ARID5B: variants seen among roughly 807,000 people sequenced by gnomAD.
ARID5B encodes AT-rich interactive domain-containing protein 5B.
A neutral mutation model predicts 97.2 loss-of-function variants in ARID5B; 13 were observed. That is an observed-to-expected ratio of 0.13 (90% confidence interval 0.09 to 0.21). The LOEUF is 0.21. Ranked by LOEUF, ARID5B falls within the 10% of genes least tolerant of loss-of-function variation. ARID5B has a pLI of 1.00. For missense variants in ARID5B, 1,210 were observed against 1,465.3 expected (o/e 0.83, Z 2.84); for synonymous variants, 556 against 570.3 (o/e 0.97, Z 0.36).
intron 4 of ARID5B, among the ~76,000 whole-genome samples, chr10:62,034,086 A>G (rs953000564): frequency 2.0e-5 from 3 of 152,218 alleles, no homozygotes; most frequent in African/African-American, 7.2e-5. Context: ...GCATGAGGCT[A>G]TGTTTAATTT....
At chr10:61,992,493 C>T (rs141409395) in intron 3 of ARID5B, among the ~76,000 whole-genome samples, 1 of 152,200 alleles carries the variant, frequency 6.6e-6, no homozygotes, top group Admixed American at 6.5e-5. Context: ...GTCTATGCCT[C>T]TATTTTAAGT....
At chr10:62,049,171 G>A in intron 4 of ARID5B, 5 of 1,254,816 alleles carry the variant, frequency 4.0e-6, no homozygotes, top group East Asian at 3.5e-5. Flanking sequence ...AAAACAGGCC[G>A]GATGAAATCA....
At chr10:62,037,336 C>A (rs1839579037) in intron 4 of ARID5B, among the ~76,000 whole-genome samples, 1 of 152,068 alleles carries the variant, frequency 6.6e-6, no homozygotes, top group African/African-American at 2.4e-5. Context: ...GAGTTAGGGC[C>A]CTCACATGGT....
chr10:61,943,440 G>A (rs1313679956), intron 3 of ARID5B, among the ~76,000 whole-genome samples: 1 of 150,892 alleles, frequency 6.6e-6, no homozygotes, highest in Non-Finnish European at 1.5e-5. Context: ...TCTTACCAAA[G>A]AAAGAAGATG....
At chr10:61,917,537 C>T (rs1349859052) in intron 2 of ARID5B, among the ~76,000 whole-genome samples, 1 of 152,144 alleles carries the variant, frequency 6.6e-6, no homozygotes, top group East Asian at 1.9e-4. Flanking sequence ...CCATGTTGGT[C>T]AGGCTGGTCT....
In ARID5B at chr10:62,017,071, T is replaced by G. The variant is rs146824675; in HGVS notation, c.733+16750T>G. ...CTCAAAACAAAAACAGGACACCACG[T>G]AAGGGGAAGTAGTGATTAATGCATA... On this transcript the variant is annotated intron_variant, in intron 4 of 9. Coordinates refer to ENST00000279873, the MANE Select transcript of ARID5B (RefSeq NM_032199.3). 1.8e-4 allele frequency among the ~76,000 whole-genome samples: 28 copies of G among 152,286 alleles called. No homozygotes were observed. The East Asian group carries it at 3.5e-3, about 19-fold the overall frequency.
intron 4 of ARID5B, among the ~76,000 whole-genome samples, chr10:62,019,740 A>G (rs1190876901): frequency 6.6e-6 from 1 of 152,202 alleles, no homozygotes; most frequent in Non-Finnish European, 1.5e-5. Flanking sequence ...AGGTGTCCCA[A>G]CCATTTAGGA....
intron 7 of ARID5B, among the ~76,000 whole-genome samples, chr10:62,063,373 A>G (rs1366777558): frequency 6.6e-6 from 1 of 152,158 alleles, no homozygotes; most frequent in East Asian, 1.9e-4. Context: ...TCTCTCTGGA[A>G]TCCCTTCTGG....
intron 3 of ARID5B, among the ~76,000 whole-genome samples, chr10:61,971,029 A>T (rs1428125369): frequency 6.6e-6 from 1 of 152,008 alleles, no homozygotes; most frequent in African/African-American, 2.4e-5. Context: ...AATAAAAAAG[A>T]AAGAAAAGGG....
At chr10:62,001,940 C>T (rs1451039962) in intron 4 of ARID5B, among the ~76,000 whole-genome samples, 4 of 152,170 alleles carry the variant, frequency 2.6e-5, no homozygotes, top group African/African-American at 9.7e-5. Context: ...CCTCTCTTTT[C>T]AGATCAGCAT....
intron 3 of ARID5B, among the ~76,000 whole-genome samples, chr10:61,958,335 T>A (rs1838421272): frequency 6.6e-6 from 1 of 152,112 alleles, no homozygotes; most frequent in African/African-American, 2.4e-5. Flanking sequence ...GTTCAAGCAA[T>A]TTTTATCCTC....
chr10:61,932,796 C>A (rs756917801), intron 2 of ARID5B, among the ~76,000 whole-genome samples: 1 of 152,122 alleles, frequency 6.6e-6, no homozygotes, highest in African/African-American at 2.4e-5. Flanking sequence ...ACTAACTTGA[C>A]GTAATATTCT....
intron 2 of ARID5B, among the ~76,000 whole-genome samples, chr10:61,912,761 C>CT (rs35688060): frequency 0.39 from 57,910 of 150,262 alleles, 11,916 homozygotes; most frequent in Non-Finnish European, 0.47. Context: ...TATATACATA[C>CT]TTTTTTTTTA....
rs769917213 is a variant in ARID5B, at chr10:62,092,611, G to A, written c.3148G>A (p.Glu1050Lys). ...VSGKEKASEQESEGSKAAHGG... is the reference protein window; with the variant it reads ...VSGKEKASEQKSEGSKAAHGG... ...TGGGAAGGAGAAGGCCTCTGAGCAG[G>A]AGAGTGAAGGCAGCAAAGCAGCGCA... The change falls in exon 10 of 10, where the codon GAG (glutamate) becomes AAG (lysine). Residue 1050 changes from glutamate to lysine, a missense_variant. Around this residue, in one of 8 missense-constraint regions of ARID5B, gnomAD observed 800 missense variants for 839.1 expected, o/e 0.95. Coordinates refer to ENST00000279873, the MANE Select transcript of ARID5B (RefSeq NM_032199.3). 13 of 1,614,082 alleles carry A rather than the reference G, an allele frequency of 8.1e-6. No individual in the cohort carries two copies. The Admixed American group carries it at 2.0e-4, about 25-fold the overall frequency.
At chr10:62,051,266 T>C (rs921995840) in intron 5 of ARID5B, among the ~76,000 whole-genome samples, 1 of 152,158 alleles carries the variant, frequency 6.6e-6, no homozygotes, top group Non-Finnish European at 1.5e-5. Flanking sequence ...AAAGGACAGA[T>C]GATTAAGCAC....
chr10:61,999,526 C>T (rs542744030), intron 3 of ARID5B, among the ~76,000 whole-genome samples: 1 of 152,260 alleles, frequency 6.6e-6, no homozygotes, highest in African/African-American at 2.4e-5. Context: ...AGCTGCCACC[C>T]ACTGCCCCTG....
rs116990345 is a variant in ARID5B, at chr10:61,982,781, G to A, written c.503-17310G>A. Among the ~76,000 whole-genome samples the A allele has an allele frequency of 4.9e-3, 747 of 152,298 alleles. 2 individuals are homozygous for A. The highest frequency in any genetic ancestry group is 0.017 in the Middle Eastern group (5 of 294). On this transcript the variant is annotated intron_variant, in intron 3 of 9. Coordinates refer to ENST00000279873, the MANE Select transcript of ARID5B (RefSeq NM_032199.3). ...CTTGGGAAATGGTAACCTAACACTG[G>A]AAGCCCCTTGCTTTTGTTCTCCTTA...
intron 7 of ARID5B, among the ~76,000 whole-genome samples, chr10:62,059,804 G>A (rs376979530): frequency 5.0e-4 from 76 of 152,178 alleles, no homozygotes; most frequent in South Asian, 1.7e-3. Flanking sequence ...AAACTTATTC[G>A]GAACAGGCTC....
chr10:61,979,540 T>C (rs1197389211), intron 3 of ARID5B, among the ~76,000 whole-genome samples: 1 of 152,130 alleles, frequency 6.6e-6, no homozygotes, highest in East Asian at 1.9e-4. Flanking sequence ...GGTTCCCAAT[T>C]GGAGGTCTTT....
Sources: gnomAD v4.1 joint callset for allele counts (sites outside exome capture counted in the v4.1 genomes callset) on GRCh38, gnomAD v4.1.1 for gene constraint, gnomAD v4.1.1 regional missense constraint, MANE v1.5 for transcripts, NCBI Gene and HGNC (gene_info 2026-07-23, HGNC 2026-07-21) for gene names.